DENND1B: variants seen among roughly 807,000 people sequenced by gnomAD.
DENND1B encodes the protein DENN domain containing 1B, also known as DENN domain-containing protein 1B.
In DENND1B, 59 loss-of-function variants were observed where a neutral mutation model predicts 90.1. The observed-to-expected ratio is 0.65, with a 90% CI of 0.53 to 0.81. DENND1B has a LOEUF of 0.81. DENND1B is among the 40% of genes least tolerant of loss of function. The pLI is 0.00. For synonymous variants in DENND1B, 337 were observed against 324.6 expected (o/e 1.04, Z -0.41); for missense variants, 862 against 912.6 (o/e 0.94, Z 0.71).
chr1:197,544,866 G>GA (rs1670623915), intron 18 of DENND1B, among the ~76,000 whole-genome samples: 1 of 74,020 alleles, frequency 1.4e-5, no homozygotes, highest in Non-Finnish European at 3.0e-5. Flanking sequence ...GAGGAAGGAG[G>GA]AGAAGGAGAT....
upstream of DENND1B, among the ~76,000 whole-genome samples, chr1:197,780,675 G>A (rs1283366724): frequency 6.6e-6 from 1 of 152,014 alleles, no homozygotes; most frequent in Non-Finnish European, 1.5e-5. Flanking sequence ...TTGATTGCCT[G>A]CTCTTCAATG....
intron 2 of DENND1B, among the ~76,000 whole-genome samples, chr1:197,743,357 G>A (rs1469635303): frequency 6.6e-6 from 1 of 151,932 alleles, no homozygotes; most frequent in African/African-American, 2.4e-5. Context: ...ACACTATACT[G>A]TAGTCTATTA....
At chr1:197,663,338 T>G (rs1478663760) in intron 5 of DENND1B, among the ~76,000 whole-genome samples, 1 of 152,144 alleles carries the variant, frequency 6.6e-6, no homozygotes, top group Non-Finnish European at 1.5e-5. Context: ...AAAGAGTACA[T>G]ATCATTCATT....
At chr1:197,623,457 C>T (rs1380197491) in intron 10 of DENND1B, among the ~76,000 whole-genome samples, 2 of 151,458 alleles carry the variant, frequency 1.3e-5, no homozygotes, top group Non-Finnish European at 1.5e-5. Context: ...ACAACATTAA[C>T]TACTAAATAG....
In DENND1B at chr1:197,553,005, T is replaced by C. The variant is rs751897455; in HGVS notation, c.1240+17A>G. 20 of 1,571,088 alleles carry C rather than the reference T, an allele frequency of 1.3e-5. No homozygotes were observed. Among genetic ancestry groups the C allele is most frequent in the Admixed American group, 4.2e-5 (2 of 47,782 alleles). On this transcript the variant is annotated intron_variant, in intron 16 of 22. Transcript: ENST00000620048. ...GTTATTGAGAAAATGGATAATCATA[T>C]TGTAACTTGTCTTTACCTCCACAAA...
At chr1:197,580,157 A>T (rs897282829) in intron 15 of DENND1B, among the ~76,000 whole-genome samples, 6 of 139,004 alleles carry the variant, frequency 4.3e-5, no homozygotes, top group Non-Finnish European at 7.6e-5. Flanking sequence ...CAGTGGTGCA[A>T]TCTCAGTCAC....
chr1:197,510,448 T>C lies in DENND1B; in HGVS notation c.*12A>G. On this transcript the variant is annotated 3_prime_UTR_variant, in exon 23 of 23. Transcript: ENST00000620048. ...ATCTCAAAATGTCTCCATAGAAGCT[T>C]GGATGCAAGATTTAAGTTTGGTTTC... 6.3e-7 allele frequency: 1 copy of C among 1,589,768 alleles called. No individual in the cohort carries two copies. Among genetic ancestry groups the C allele is most frequent in the Non-Finnish European group, 8.6e-7 (1 of 1,167,594 alleles).
chr1:197,654,616 A>T (rs2125942070), intron 6 of DENND1B, among the ~76,000 whole-genome samples: 1 of 152,274 alleles, frequency 6.6e-6, no homozygotes, highest in East Asian at 1.9e-4. Flanking sequence ...TCTCAAAAAA[A>T]AAAAAAGAAT....
chr1:197,639,344 G>A (rs539190637), intron 10 of DENND1B, among the ~76,000 whole-genome samples: 2 of 152,224 alleles, frequency 1.3e-5, no homozygotes, highest in East Asian at 1.9e-4. Flanking sequence ...GATTACAGGC[G>A]TGAGCCACTG....
At chr1:197,550,319 A>C (rs1671121009) in intron 16 of DENND1B, among the ~76,000 whole-genome samples, 1 of 152,118 alleles carries the variant, frequency 6.6e-6, no homozygotes, top group African/African-American at 2.4e-5. Context: ...ATATCTTTGA[A>C]GCCACATAGA....
At chr1:197,684,573 TAGG>T (rs1483856651) in intron 3 of DENND1B, among the ~76,000 whole-genome samples, 1 of 152,128 alleles carries the variant, frequency 6.6e-6, no homozygotes, top group Non-Finnish European at 1.5e-5. Context: ...GAAAGAATGG[TAGG>T]AGATGAGACA....
At chr1:197,745,397 T>C (rs963567369) in intron 2 of DENND1B, among the ~76,000 whole-genome samples, 2 of 152,060 alleles carry the variant, frequency 1.3e-5, no homozygotes, top group South Asian at 2.1e-4. Context: ...GGGTTATCAA[T>C]TGGCCTAATT....
At chr1:197,579,210 G>A (rs1226180193) in intron 15 of DENND1B, among the ~76,000 whole-genome samples, 1 of 152,120 alleles carries the variant, frequency 6.6e-6, no homozygotes, top group Non-Finnish European at 1.5e-5. Context: ...CTAGCCAAGT[G>A]GACACATTAA....
chr1:197,713,849 T>TTATA (rs1450985277), intron 3 of DENND1B, among the ~76,000 whole-genome samples: 37 of 58,782 alleles, frequency 6.3e-4, no homozygotes, highest in African/African-American at 1.8e-3. Context: ...TTATATTATA[T>TTATA]TATTATAATA....
At chr1:197,640,975 A>G (rs1047153718) in intron 10 of DENND1B, among the ~76,000 whole-genome samples, 1 of 152,204 alleles carries the variant, frequency 6.6e-6, no homozygotes, top group African/African-American at 2.4e-5. Context: ...ACCTCATTGG[A>G]GAGGCCTTCC....
chr1:197,737,162 A>G (rs566378718), intron 2 of DENND1B, among the ~76,000 whole-genome samples: 3 of 152,300 alleles, frequency 2.0e-5, no homozygotes, highest in South Asian at 4.1e-4. Flanking sequence ...ACAATCAGCT[A>G]TAAGGCAGCA....
intron 10 of DENND1B, among the ~76,000 whole-genome samples, chr1:197,637,177 G>A (rs1244274945): frequency 6.6e-6 from 1 of 151,752 alleles, no homozygotes; most frequent in African/African-American, 2.4e-5. Flanking sequence ...GCACAAAATT[G>A]TCACTGTTCC....
chr1:197,759,498 T>C (rs1027470748), intron 2 of DENND1B, among the ~76,000 whole-genome samples: 9 of 151,320 alleles, frequency 5.9e-5, no homozygotes, highest in African/African-American at 2.2e-4. Flanking sequence ...TGAAAGTATC[T>C]GCACCATCTT....
Position 197,509,034 on chromosome 1 carries a change from G to A in DENND1B, c.*1426C>T, listed in dbSNP as rs553117140. 2.0e-5 allele frequency: 3 copies of A among 151,874 alleles called. No homozygotes were observed. The South Asian group carries it at 6.2e-4, about 31-fold the overall frequency. 9.4% of individuals were successfully genotyped at this position (151,874 alleles called of 1,614,324 possible). A position where few individuals can be genotyped will look rare whatever the true frequency, so the allele number is the denominator to read the frequency against. On this transcript the variant is annotated 3_prime_UTR_variant, in exon 23 of 23. Transcript: ENST00000620048. ...AATGACAGCATGGAAAGGGCAGGAA[G>A]AACTTTAGAGTGACAAACGCTACCT...
Sources: gnomAD v4.1 joint callset for allele counts (sites outside exome capture counted in the v4.1 genomes callset) on GRCh38, gnomAD v4.1.1 for gene constraint, MANE v1.5 for transcripts, NCBI Gene and HGNC (gene_info 2026-07-23, HGNC 2026-07-21) for gene names.